CDC123: variants seen among roughly 807,000 people sequenced by gnomAD.
CDC123 encodes the protein cell division cycle 123, also known as translation initiation factor eIF2 assembly protein.
CDC123 carries 37 observed loss-of-function variants against 54.4 expected under a neutral mutation model. The observed-to-expected ratio is 0.68, with a 90% CI of 0.52 to 0.89. The LOEUF is 0.89. Ranked by LOEUF, CDC123 falls within the 40% of genes least tolerant of loss-of-function variation. The pLI, the probability that CDC123 is intolerant of heterozygous loss-of-function variation, is 0.00. For synonymous variants in CDC123, 144 were observed against 136.8 expected (o/e 1.05, Z -0.37); for missense variants, 361 against 412.1 (o/e 0.88, Z 1.07).
chr10:12,201,729 G>T (rs1187313534), intron 2 of CDC123, among the ~76,000 whole-genome samples: 2 of 152,176 alleles, frequency 1.3e-5, no homozygotes, highest in Non-Finnish European at 2.9e-5. Context: ...GCATTGAAGG[G>T]CTCTGAGCAA....
rs192960310 is a variant in CDC123 at position 12,215,778 on chromosome 10, A to C, written c.276A>C (p.Glu92Asp). 5.2e-5 allele frequency: 84 copies of C among 1,612,918 alleles called. 1 individual carries two copies. The East Asian group carries it at 1.5e-3, about 29-fold the overall frequency. ...EFPEFATKVQ[E>D]AINSLGGSVF... ...CTGAGTTTGCCACTAAAGTCCAGGA[A>C]GCTATCAATTCCCTCGGGGGCAGTG... Residue 92 changes from glutamate to aspartate, a missense_variant, in exon 5 of 13, where the codon GAA (glutamate) becomes GAC (aspartate). Transcript: ENST00000281141.
chr10:12,225,421 A>G (rs2131747593), intron 6 of CDC123, among the ~76,000 whole-genome samples: 1 of 152,272 alleles, frequency 6.6e-6, no homozygotes, highest in Non-Finnish European at 1.5e-5. Context: ...AATAAAAGAA[A>G]AGAAAATATG....
intron 2 of CDC123, among the ~76,000 whole-genome samples, chr10:12,209,242 T>G (rs898304396): frequency 1.3e-5 from 2 of 152,140 alleles, no homozygotes; most frequent in African/African-American, 4.8e-5. Flanking sequence ...ATTTATTTAT[T>G]TCTTCTTTTT....
At chr10:12,233,013 C>T (rs1343945746) in intron 7 of CDC123, among the ~76,000 whole-genome samples, 1 of 152,068 alleles carries the variant, frequency 6.6e-6, no homozygotes, top group African/African-American at 2.4e-5. Context: ...TCCGCCTCAG[C>T]CTCCCAAAGT....
chr10:12,205,172 G>A (rs1382818616), intron 2 of CDC123, among the ~76,000 whole-genome samples: 1 of 152,068 alleles, frequency 6.6e-6, no homozygotes. Flanking sequence ...AAAACGTGGT[G>A]TTTGTCTTCC....
chr10:12,230,314 T>A (rs1434263601), intron 6 of CDC123, among the ~76,000 whole-genome samples: 1 of 151,922 alleles, frequency 6.6e-6, no homozygotes, highest in Non-Finnish European at 1.5e-5. Context: ...TGCCTCAGCC[T>A]CTCGAGTAGC....
At chr10:12,231,077 AT>A in intron 7 of CDC123, 81 bp downstream of exon 7, 2 of 1,320,330 alleles carry the variant, frequency 1.5e-6, no homozygotes, top group Non-Finnish European at 2.1e-6. Context: ...AATGAAATGA[AT>A]GAAGTTTCTT....
At chr10:12,199,325 T>A (rs925608731) in intron 2 of CDC123, among the ~76,000 whole-genome samples, 14 of 152,220 alleles carry the variant, frequency 9.2e-5, no homozygotes, top group African/African-American at 3.1e-4. Context: ...TCTCATTTTT[T>A]AATTCGAGTC....
At chr10:12,200,336 G>C (rs1039607306) in intron 2 of CDC123, among the ~76,000 whole-genome samples, 3 of 150,838 alleles carry the variant, frequency 2.0e-5, no homozygotes, top group Non-Finnish European at 4.4e-5. Context: ...CATGTTGGCC[G>C]GGCTGTCTTG....
chr10:12,240,455 A>G (rs1836041872), intron 10 of CDC123, among the ~76,000 whole-genome samples: 1 of 152,236 alleles, frequency 6.6e-6, no homozygotes, highest in South Asian at 2.1e-4. Flanking sequence ...ACAAAAAGAT[A>G]TGGCCCATAT....
At chr10:12,236,041 CT>C (rs1367359923) in intron 8 of CDC123, among the ~76,000 whole-genome samples, 1 of 152,146 alleles carries the variant, frequency 6.6e-6, no homozygotes, top group African/African-American at 2.4e-5. Flanking sequence ...CGAGAGCAGG[CT>C]GTGAAGGCCA....
At chr10:12,198,684 T>C (rs768395948) in intron 1 of CDC123, 21 bp from the exon 2 acceptor site, 1 of 1,443,698 alleles carries the variant, frequency 6.9e-7, no homozygotes, top group South Asian at 1.2e-5. Context: ...AATGATGCCT[T>C]TTTTGGTGTT....
At chr10:12,214,797 T>G (rs1054491641) in intron 4 of CDC123, among the ~76,000 whole-genome samples, 1 of 151,612 alleles carries the variant, frequency 6.6e-6, no homozygotes, top group Non-Finnish European at 1.5e-5. Context: ...TAGTCTGTCT[T>G]TTTTTTTTCC....
In CDC123 at chr10:12,209,225, T is replaced by C. The variant is rs537445420; in HGVS notation, c.147-742T>C. On this transcript the variant is annotated intron_variant, in intron 2 of 12. Coordinates refer to ENST00000281141, the MANE Select transcript of CDC123 (RefSeq NM_006023.3). ...ATTCTGTCATCTCTTCATGCAACTGTACTCTCATTTATTTATTTCTTCTTT... is the reference window on the plus strand; with the variant it reads ...ATTCTGTCATCTCTTCATGCAACTGCACTCTCATTTATTTATTTCTTCTTT... 8.5e-5 allele frequency among the ~76,000 whole-genome samples: 13 copies of C among 152,262 alleles called. No individual in the cohort carries two copies. In the South Asian group the frequency reaches 2.7e-3, roughly 32 times the overall value.
chr10:12,216,258 A>G (rs1835662977), intron 5 of CDC123, among the ~76,000 whole-genome samples: 1 of 152,230 alleles, frequency 6.6e-6, no homozygotes, highest in South Asian at 2.1e-4. Flanking sequence ...TTATTATTTT[A>G]ATACTGCATT....
In CDC123 at chr10:12,250,352, C is replaced by T. The variant is rs1461266636; in HGVS notation, c.*15C>T. 2 of 1,595,672 alleles carry T rather than the reference C, an allele frequency of 1.3e-6. No individual in the cohort carries two copies. The highest frequency in any genetic ancestry group is 1.7e-6 in the Non-Finnish European group (2 of 1,164,056). On this transcript the variant is annotated 3_prime_UTR_variant, in exon 13 of 13. Coordinates refer to ENST00000281141, the MANE Select transcript of CDC123 (RefSeq NM_006023.3). Reference sequence around the variant, plus strand: ...AGGACGACTGATGAGCGTACTGGAACTGGAGAAGAGGAGGCCCCGCCCCAC... The same window carrying T: ...AGGACGACTGATGAGCGTACTGGAATTGGAGAAGAGGAGGCCCCGCCCCAC...
intron 1 of CDC123, among the ~76,000 whole-genome samples, chr10:12,197,148 A>G (rs1835365772): frequency 6.6e-6 from 1 of 152,232 alleles, no homozygotes; most frequent in Non-Finnish European, 1.5e-5. Flanking sequence ...CCTTAGATTC[A>G]TTGTACTTAA....
At chr10:12,241,554 T>G (rs1836057836) in intron 10 of CDC123, among the ~76,000 whole-genome samples, 1 of 152,180 alleles carries the variant, frequency 6.6e-6, no homozygotes, top group African/African-American at 2.4e-5. Context: ...TCCTTCAGAT[T>G]GATGATGATT....
At chr10:12,248,333 C>A (rs1232825048) in intron 11 of CDC123, among the ~76,000 whole-genome samples, 3 of 150,414 alleles carry the variant, frequency 2.0e-5, no homozygotes, top group Non-Finnish European at 4.4e-5. Context: ...CATGGTGAAA[C>A]CCCGTCTCTA....
Sources: gnomAD v4.1 joint callset for allele counts (sites outside exome capture counted in the v4.1 genomes callset) on GRCh38, gnomAD v4.1.1 for gene constraint, MANE v1.5 for transcripts, NCBI Gene and HGNC (gene_info 2026-07-23, HGNC 2026-07-21) for gene names.